The following MGRN1 variants were observed in gnomAD, a reference collection of about 807,000 sequenced individuals.
The protein encoded by MGRN1 is mahogunin ring finger 1, also known as E3 ubiquitin-protein ligase MGRN1.
In MGRN1, 29 loss-of-function variants were observed where a neutral mutation model predicts 69.2. The ratio of observed to expected loss-of-function variants is 0.42; its 90% CI spans 0.31 to 0.57. The LOEUF (loss-of-function observed/expected upper bound fraction) is 0.57. MGRN1 is among the 20% of genes least tolerant of loss of function. The probability of loss-of-function intolerance (pLI) is 0.15; values close to 1 mark genes in which losing one functional copy is unlikely to be tolerated. For missense variants in MGRN1, 998 were observed against 796.2 expected (o/e 1.25, Z -3.05); for synonymous variants, 470 against 344.2 (o/e 1.37, Z -4.04).
Position 4,650,256 on chromosome 16 carries a change from TAGCGCCACTGCACTCCAGCCTGGGTGG to T in MGRN1, c.89-93_89-67del, listed in dbSNP as rs954520452. The T allele has an allele frequency of 1.7e-4, 131 of 780,640 alleles. 1 individual carries two copies. The highest frequency in any genetic ancestry group is 7.2e-4 in the Middle Eastern group (2 of 2,772). The allele number at this position is 780,640 out of a possible 1,614,324, so 48.4% of individuals were successfully genotyped here. ...GGGCGGAGCTTGCAGTGAGCTGAGA[TAGCGCCACTGCACTCCAGCCTGGGTGG>T]AGCGCCACTGCACTCTAGCCTGAGA... On this transcript the variant is annotated intron_variant, in intron 1 of 16. Coordinates refer to ENST00000262370, the MANE Select transcript of MGRN1 (RefSeq NM_015246.4).
intron 1 of MGRN1, chr16:4,650,077 C>T (rs1326590400): frequency 1.7e-5 from 4 of 231,694 alleles, no homozygotes; most frequent in Admixed American, 1.1e-4. Flanking sequence ...CTGAGGCGGG[C>T]GGATTACCTG....
intron 15 of MGRN1, among the ~76,000 whole-genome samples, 178 bp from the exon 16 acceptor site, chr16:4,683,665 C>T (rs906132267): frequency 6.6e-6 from 1 of 152,172 alleles, no homozygotes; most frequent in African/African-American, 2.4e-5. Context: ...GGGAAACACC[C>T]AGCTTTGGGG....
In MGRN1 at chr16:4,681,763, AAGGCCCCCGACAGGTGAGCAGCAGCC is replaced by A. The variant is rs2079187420; in HGVS notation, c.1351_1358+18del. The A allele has an allele frequency of 2.5e-6, 4 of 1,611,426 alleles. No individual in the cohort carries two copies. Among genetic ancestry groups the A allele is most frequent in the Non-Finnish European group, 2.5e-6 (3 of 1,179,332 alleles). On this transcript the variant is annotated splice_donor_variant and splice_donor_5th_base_variant and coding_sequence_variant and intron_variant, in exon 13 of 17. Coordinates refer to ENST00000262370, the MANE Select transcript of MGRN1 (RefSeq NM_015246.4). LOFTEE classifies it high-confidence loss of function. ...CCGCCAGAAGGGCAGGCCGCAGAGC[AAGGCCCCCGACAGGTGAGCAGCAGCC>A]AGGCCAGGTGCATGGCAGGGTGTGT...
chr16:4,685,615 G>A (rs2079294583), intron 16 of MGRN1, among the ~76,000 whole-genome samples: 1 of 152,244 alleles, frequency 6.6e-6, no homozygotes, highest in Non-Finnish European at 1.5e-5. Context: ...GAGCACATGT[G>A]CCTTTGGGGG....
chr16:4,658,762 C>G (rs865904450), intron 5 of MGRN1: 4 of 151,606 alleles, frequency 2.6e-5, no homozygotes, highest in Non-Finnish European at 5.9e-5. Context: ...CCCAGCACTT[C>G]GGGAGGCTGA....
chr16:4,679,981 A>C lies in MGRN1; in HGVS notation c.1066-51A>C, dbSNP rs533974886. The C allele has an allele frequency of 8.3e-6, 13 of 1,563,986 alleles. No homozygotes were observed. The South Asian group carries it at 1.2e-4, about 15-fold the overall frequency. ...CAGTCAGACCTGTCCAGCCCACTCCAGGGCCGCGTGGGGGTGGTAGTTGTA... is the reference window on the plus strand; with the variant it reads ...CAGTCAGACCTGTCCAGCCCACTCCCGGGCCGCGTGGGGGTGGTAGTTGTA... On this transcript the variant is annotated intron_variant, in intron 11 of 16. Coordinates refer to ENST00000262370, the MANE Select transcript of MGRN1 (RefSeq NM_015246.4).
At chr16:4,683,111 C>A in intron 14 of MGRN1, 113 bp from the exon 15 acceptor site, 3 of 1,522,590 alleles carry the variant, frequency 2.0e-6, no homozygotes, top group Non-Finnish European at 2.7e-6. Context: ...GAGGCAGCAC[C>A]CCCTGGTGGA....
At chr16:4,650,244 A>G (rs2078372122) in intron 1 of MGRN1, 121 bp from the exon 2 acceptor site, 2 of 692,890 alleles carry the variant, frequency 2.9e-6, no homozygotes, top group East Asian at 5.8e-5. Context: ...CGGAGCTTGC[A>G]GTGAGCTGAG....
intron 1 of MGRN1, among the ~76,000 whole-genome samples, chr16:4,646,773 C>G (rs563187555): frequency 6.6e-6 from 1 of 152,348 alleles, no homozygotes; most frequent in Admixed American, 6.5e-5. Context: ...GGCCACCTCG[C>G]TCATCTTCTG....
rs185336328 is a variant in MGRN1 at position 4,628,255 on chromosome 16, A to T, written c.88+3207A>T. ...CAAAAAATTAGCCAGGTGTGGTGGC[A>T]GGCGCTTGTAGTCCCAGCCACTCGG... is the stretch of plus-strand genomic sequence containing the variant. On this transcript the variant is annotated intron_variant, in intron 1 of 16. Transcript: ENST00000262370. 2.8e-3 allele frequency among the ~76,000 whole-genome samples: 424 copies of T among 149,224 alleles called. 4 individuals are homozygous for T. Among genetic ancestry groups the T allele is most frequent in the African/African-American group, 0.01 (415 of 40,428 alleles).
At chr16:4,680,339 C>T (rs1001083592) in intron 12 of MGRN1, 6 of 504,462 alleles carry the variant, frequency 1.2e-5, no homozygotes, top group Middle Eastern at 1.0e-3. Flanking sequence ...GCCTCCGCCC[C>T]GCGTGGCCCC....
chr16:4,636,991 C>T (rs966951853), intron 1 of MGRN1, among the ~76,000 whole-genome samples: 9 of 151,610 alleles, frequency 5.9e-5, no homozygotes, highest in Admixed American at 2.0e-4. Flanking sequence ...CGGTGGCGTG[C>T]GCCTGTAGTC....
intron 4 of MGRN1, among the ~76,000 whole-genome samples, chr16:4,656,185 C>CT (rs1385755332): frequency 6.6e-6 from 1 of 152,236 alleles, no homozygotes; most frequent in Non-Finnish European, 1.5e-5. Context: ...AATGAAACTG[C>CT]TTGAGGCACC....
chr16:4,648,282 GTGGTCACCCGGCTCCTCCTCCCGC>G (rs2078318134), intron 1 of MGRN1, among the ~76,000 whole-genome samples: 1 of 149,140 alleles, frequency 6.7e-6, no homozygotes, highest in Admixed American at 6.6e-5. Context: ...GACTCTTCCC[GTGGTCACCCGGCTCCTCCTCCCGC>G]GGGCTCTTCC....
intron 5 of MGRN1, among the ~76,000 whole-genome samples, chr16:4,661,611 G>A (rs1451943925): frequency 6.6e-6 from 1 of 152,202 alleles, no homozygotes; most frequent in Non-Finnish European, 1.5e-5. Flanking sequence ...TCTGGCCCTG[G>A]GCCAGTGCCC....
At chr16:4,641,355 T>C (rs1177357066) in intron 1 of MGRN1, among the ~76,000 whole-genome samples, 2 of 151,106 alleles carry the variant, frequency 1.3e-5, no homozygotes, top group East Asian at 3.9e-4. Flanking sequence ...TTTTTTTTGT[T>C]TTTTGGAGAC....
In MGRN1 at chr16:4,660,982, A is replaced by G. The variant is rs189779966; in HGVS notation, c.561+3619A>G. 3.4e-3 allele frequency among the ~76,000 whole-genome samples: 518 copies of G among 151,814 alleles called. 5 individuals carry two copies. The highest frequency in any genetic ancestry group is 0.012 in the African/African-American group (479 of 41,404). On this transcript the variant is annotated intron_variant, in intron 5 of 16. Transcript: ENST00000262370. ...GTGCCCCACGTCCCTGCAGCCTTTT[A>G]TTTTTCCCCCTTTTTTTGAGACAGG... is the stretch of plus-strand genomic sequence containing the variant.
chr16:4,633,771 G>A (rs1330855293), intron 1 of MGRN1: 4 of 151,928 alleles, frequency 2.6e-5, no homozygotes, highest in Non-Finnish European at 5.9e-5. Context: ...AGGCCGGACT[G>A]CAGTGGTGCT....
At chr16:4,674,672 C>T (rs1394848828) in intron 10 of MGRN1, among the ~76,000 whole-genome samples, 5 of 98,700 alleles carry the variant, frequency 5.1e-5, no homozygotes, top group South Asian at 7.1e-4. Flanking sequence ...CTCGCTCTGT[C>T]GCCCAGGCTG....
Sources: gnomAD v4.1 joint callset for allele counts (sites outside exome capture counted in the v4.1 genomes callset) on GRCh38, gnomAD v4.1.1 for gene constraint, MANE v1.5 for transcripts, NCBI Gene and HGNC (gene_info 2026-07-23, HGNC 2026-07-21) for gene names.